Variants in RORA observed in about 807,000 individuals in gnomAD.
RORA encodes the protein nuclear receptor ROR-alpha.
RORA carries 7 observed loss-of-function variants against 69.5 expected under a neutral mutation model. The observed-to-expected ratio is 0.10, with a 90% CI of 0.06 to 0.19. The LOEUF is 0.19. Among genes scored for constraint, RORA ranks in the 10% least tolerant of loss-of-function variants. The pLI is 1.00. For synonymous variants in RORA, 261 were observed against 240.8 expected (o/e 1.08, Z -0.78); for missense variants, 457 against 663.0 (o/e 0.69, Z 3.41).
rs151049586 is a variant in RORA at position 60,911,693 on chromosome 15, C to A, written c.167-233007G>T. 8.1e-3 allele frequency among the ~76,000 whole-genome samples: 1,026 copies of A among 125,948 alleles called. 17 individuals carry two copies. The highest frequency in any genetic ancestry group is 0.028 in the African/African-American group (973 of 34,426). The allele number at this position is 125,948 out of a possible 152,430, so 82.6% of individuals were successfully genotyped here. ...GCTAAAAGAGAAAAGTGTCAGGTAACGGATTTTTGATTTTTTTTTTTTTTT... is the reference window on the plus strand; with the variant it reads ...GCTAAAAGAGAAAAGTGTCAGGTAAAGGATTTTTGATTTTTTTTTTTTTTT... On this transcript the variant is annotated intron_variant, in intron 1 of 10. Coordinates refer to ENST00000335670, the MANE Select transcript of RORA (RefSeq NM_134261.3).
At chr15:61,204,682 T>G (rs1046761851) in intron 1 of RORA, among the ~76,000 whole-genome samples, 7 of 152,242 alleles carry the variant, frequency 4.6e-5, no homozygotes, top group African/African-American at 1.7e-4. Flanking sequence ...CCAGTGTCCA[T>G]GTCAGAAAAG....
At chr15:60,557,634 G>A (rs1201997738) in intron 2 of RORA, among the ~76,000 whole-genome samples, 1 of 152,176 alleles carries the variant, frequency 6.6e-6, no homozygotes, top group African/African-American at 2.4e-5. Context: ...ACATTCCCTT[G>A]GGCTACAAGA....
At chr15:60,566,054 C>G (rs1380268107) in intron 2 of RORA, among the ~76,000 whole-genome samples, 1 of 152,150 alleles carries the variant, frequency 6.6e-6, no homozygotes, top group African/African-American at 2.4e-5. Flanking sequence ...AATAGGGTAT[C>G]AAGGAAAGTC....
chr15:61,042,761 C>T (rs1896843190), intron 1 of RORA, among the ~76,000 whole-genome samples: 2 of 152,198 alleles, frequency 1.3e-5, no homozygotes, highest in Non-Finnish European at 2.9e-5. Context: ...AATTGCCAGC[C>T]AAGTCCTTTA....
At chr15:60,643,506 G>C (rs1245203641) in intron 2 of RORA, among the ~76,000 whole-genome samples, 1 of 152,218 alleles carries the variant, frequency 6.6e-6, no homozygotes, top group Non-Finnish European at 1.5e-5. Context: ...CCCTGGGTTT[G>C]AGGATAGAAG....
At chr15:60,685,255 AG>A (rs921210555) in intron 1 of RORA, among the ~76,000 whole-genome samples, 1 of 152,198 alleles carries the variant, frequency 6.6e-6, no homozygotes, top group Non-Finnish European at 1.5e-5. Context: ...ATTCTCAACA[AG>A]CATGCTGCAA....
In RORA at chr15:60,822,760, G is replaced by A. The variant is rs143137783; in HGVS notation, c.167-144074C>T. On this transcript the variant is annotated intron_variant, in intron 1 of 10. Coordinates refer to ENST00000335670, the MANE Select transcript of RORA (RefSeq NM_134261.3). ...AATGCTGATGCCCAGGGTCAGGCCC[G>A]GACAAATGCTAACAGAATCTCTGGG... 5.1e-4 allele frequency among the ~76,000 whole-genome samples: 78 copies of A among 152,238 alleles called. No homozygotes were observed. The East Asian group carries it at 9.5e-3, about 18-fold the overall frequency.
At chr15:60,672,983 G>A (rs539664489) in intron 2 of RORA, among the ~76,000 whole-genome samples, 1 of 152,272 alleles carries the variant, frequency 6.6e-6, no homozygotes, top group Admixed American at 6.5e-5. Context: ...TATCAAGTAT[G>A]TAATAAGTCT....
intron 1 of RORA, among the ~76,000 whole-genome samples, chr15:61,114,740 G>T (rs918979377): frequency 6.6e-6 from 1 of 152,128 alleles, no homozygotes. Context: ...CCTATACTTT[G>T]TTCTTGTCAT....
chr15:61,164,466 ATGCAACCAT>A (rs2079524310), intron 1 of RORA, among the ~76,000 whole-genome samples: 1 of 152,168 alleles, frequency 6.6e-6, no homozygotes, highest in Non-Finnish European at 1.5e-5. Flanking sequence ...AACCTAAGCA[ATGCAACCAT>A]TGCCGTATAC....
intron 3 of RORA, among the ~76,000 whole-genome samples, chr15:60,516,017 ATAT>A (rs2065887891): frequency 7.0e-5 from 1 of 14,300 alleles, no homozygotes; most frequent in African/African-American, 2.3e-4. Flanking sequence ...ATATTTATAT[ATAT>A]TTATATATTT....
At chr15:61,178,337 T>C (rs905104755) in intron 1 of RORA, among the ~76,000 whole-genome samples, 12 of 152,234 alleles carry the variant, frequency 7.9e-5, no homozygotes, top group Admixed American at 3.9e-4. Flanking sequence ...AGCTTGCAAC[T>C]TGAATTATTC....
chr15:61,068,313 TAAC>T (rs1374732525), intron 1 of RORA, among the ~76,000 whole-genome samples: 1 of 109,112 alleles, frequency 9.2e-6, no homozygotes, highest in African/African-American at 3.7e-5. Flanking sequence ...AACCAATGCT[TAAC>T]GGTGTGCACT....
At chr15:60,858,692 T>TACACACACACAC (rs3053884) in intron 1 of RORA, among the ~76,000 whole-genome samples, 6,443 of 142,804 alleles carry the variant, frequency 0.045, 251 homozygotes, top group Admixed American at 0.12. Context: ...AGAAAGAAAA[T>TACACACACACAC]ACACACACAC....
intron 1 of RORA, among the ~76,000 whole-genome samples, chr15:60,866,010 A>AGGGC (rs2073483465): frequency 2.0e-5 from 3 of 151,910 alleles, no homozygotes; most frequent in Non-Finnish European, 4.4e-5. Flanking sequence ...TAGTGATCAA[A>AGGGC]ATGCATCACC....
intron 1 of RORA, among the ~76,000 whole-genome samples, chr15:60,833,514 A>G (rs1004207823): frequency 6.6e-6 from 1 of 152,146 alleles, no homozygotes; most frequent in African/African-American, 2.4e-5. Context: ...ACCCGATTCC[A>G]AATGAGTCTT....
In RORA at chr15:60,624,776, T is replaced by C. The variant is rs116649771; in HGVS notation, c.196+53881A>G. ...ATTTCTGTGTAACATCCATCTGTGTTCAAAGATGCTTTTGAGAGGGCCAAG... is the reference window on the plus strand; with the variant it reads ...ATTTCTGTGTAACATCCATCTGTGTCCAAAGATGCTTTTGAGAGGGCCAAG... On this transcript the variant is annotated intron_variant, in intron 2 of 10. Coordinates refer to ENST00000335670, the MANE Select transcript of RORA (RefSeq NM_134261.3). Among the ~76,000 whole-genome samples the C allele has an allele frequency of 3.4e-3, 524 of 152,116 alleles. 4 individuals are homozygous for C. The highest frequency in any genetic ancestry group is 0.012 in the African/African-American group (506 of 41,498).
rs138558771 is a variant in RORA at position 60,992,105 on chromosome 15, G to A, written c.166+236948C>T. Among the ~76,000 whole-genome samples the A allele has an allele frequency of 1.0e-3, 153 of 152,124 alleles. 2 individuals carry two copies. Among genetic ancestry groups the A allele is most frequent in the East Asian group, 7.2e-3 (37 of 5,168 alleles). ...ATGAAAATGTTGTTAGTACTATAAT[G>A]TATGCTTTTACACATTATTGTATTA... is the stretch of plus-strand genomic sequence containing the variant. On this transcript the variant is annotated intron_variant, in intron 1 of 10. Coordinates refer to ENST00000335670, the MANE Select transcript of RORA (RefSeq NM_134261.3).
At chr15:61,191,895 G>T (rs781018163) in intron 1 of RORA, among the ~76,000 whole-genome samples, 4 of 152,240 alleles carry the variant, frequency 2.6e-5, no homozygotes, top group Non-Finnish European at 4.4e-5. Flanking sequence ...AGGTCTGAAT[G>T]TCAAATACTA....
Sources: gnomAD v4.1 joint callset for allele counts (sites outside exome capture counted in the v4.1 genomes callset) on GRCh38, gnomAD v4.1.1 for gene constraint, MANE v1.5 for transcripts, NCBI Gene and HGNC (gene_info 2026-07-23, HGNC 2026-07-21) for gene names.